Variants in NEDD4L observed in about 807,000 individuals in gnomAD.
The protein encoded by NEDD4L is NEDD4 like E3 ubiquitin protein ligase.
NEDD4L carries 54 observed loss-of-function variants against 148.9 expected under a neutral mutation model. The ratio of observed to expected loss-of-function variants is 0.36; its 90% CI spans 0.29 to 0.45. The LOEUF (loss-of-function observed/expected upper bound fraction) is 0.45. Ranked by LOEUF, NEDD4L falls within the 20% of genes least tolerant of loss-of-function variation. The pLI, the probability that NEDD4L is intolerant of heterozygous loss-of-function variation, is 1.00. For synonymous variants in NEDD4L, 433 were observed against 440.7 expected, an observed-to-expected ratio of 0.98 and a Z score of 0.22; for missense variants, 856 against 1,233.8, an observed-to-expected ratio of 0.69 and a Z score of 4.59.
At chr18:58,255,204 G>A (rs1057166165) in intron 5 of NEDD4L, among the ~76,000 whole-genome samples, 1 of 152,264 alleles carries the variant, frequency 6.6e-6, no homozygotes, top group Middle Eastern at 3.4e-3. Context: ...TAGCAGCGTG[G>A]CTTGCAGTGT....
At chr18:58,148,660 T>C (rs1599110717) in intron 1 of NEDD4L, among the ~76,000 whole-genome samples, 1 of 152,224 alleles carries the variant, frequency 6.6e-6, no homozygotes, top group South Asian at 2.1e-4. Context: ...GCCGGTCATA[T>C]TGGATTAGGG....
chr18:58,329,159 G>A (rs1250022242), intron 10 of NEDD4L, 32 bp downstream of exon 10: 1 of 1,604,712 alleles, frequency 6.2e-7, no homozygotes, highest in African/African-American at 1.3e-5. Flanking sequence ...GCAAAGCCCG[G>A]CAGCTCCTTC....
At chr18:58,334,551 T>G (rs1241802673) in intron 12 of NEDD4L, among the ~76,000 whole-genome samples, 1 of 152,208 alleles carries the variant, frequency 6.6e-6, no homozygotes, top group Non-Finnish European at 1.5e-5. Context: ...TTACATAAAT[T>G]TGTTTCTTCT....
chr18:58,149,432 T>C (rs2034438862), intron 1 of NEDD4L: 3 of 1,525,682 alleles, frequency 2.0e-6, no homozygotes, highest in East Asian at 5.0e-5. Context: ...AAAGTTACCC[T>C]TGGCTGCAGC....
intron 5 of NEDD4L, among the ~76,000 whole-genome samples, chr18:58,258,452 T>C (rs1375944552): frequency 2.6e-5 from 4 of 152,236 alleles, no homozygotes; most frequent in Non-Finnish European, 4.4e-5. Flanking sequence ...AAGGGATTCA[T>C]ACAATTAAAC....
Position 58,248,970 on chromosome 18 carries a change from T to C in NEDD4L, c.243+33T>C, listed in dbSNP as rs755343522. The C allele has an allele frequency of 3.2e-5, 36 of 1,122,688 alleles. No individual in the cohort carries two copies. In the African/African-American group the frequency reaches 4.7e-4, roughly 15 times the overall value. The allele number at this position is 1,122,688 out of a possible 1,614,324, so 69.5% of individuals were successfully genotyped here. A position where few individuals can be genotyped will look rare whatever the true frequency, so the allele number is the denominator to read the frequency against. The stretch of plus-strand genomic sequence containing the variant: ...TTTCATTGTTTGGTAATAATTGTTA[T>C]TGATACGTCTAGGTCGATTATCACA... On this transcript the variant is annotated intron_variant, in intron 4 of 30. Coordinates refer to ENST00000400345, the MANE Select transcript of NEDD4L (RefSeq NM_001144967.3).
At chr18:58,278,503 C>A (rs2052499975) in intron 5 of NEDD4L, among the ~76,000 whole-genome samples, 3 of 152,184 alleles carry the variant, frequency 2.0e-5, no homozygotes, top group Admixed American at 6.5e-5. Flanking sequence ...TTTTACAGAT[C>A]TTATCCTCTC....
intron 1 of NEDD4L, among the ~76,000 whole-genome samples, chr18:58,118,920 G>T (rs985753845): frequency 1.3e-5 from 2 of 152,078 alleles, no homozygotes; most frequent in African/African-American, 4.8e-5. Flanking sequence ...TCTCTTGAAG[G>T]TCCTAACCTC....
At chr18:58,136,355 TTGTC>T (rs1208224798) in intron 1 of NEDD4L, among the ~76,000 whole-genome samples, 1 of 152,222 alleles carries the variant, frequency 6.6e-6, no homozygotes, top group Non-Finnish European at 1.5e-5. Context: ...TAATTACAAA[TTGTC>T]TGCTTGCTTG....
intron 1 of NEDD4L, among the ~76,000 whole-genome samples, chr18:58,116,659 G>C (rs933760156): frequency 1.3e-5 from 2 of 152,236 alleles, no homozygotes; most frequent in African/African-American, 2.4e-5. Context: ...GGAGACCAGA[G>C]CATCACCTTT....
chr18:58,149,967 G>C (rs1051928787), intron 1 of NEDD4L, among the ~76,000 whole-genome samples: 10 of 152,214 alleles, frequency 6.6e-5, no homozygotes, highest in African/African-American at 2.4e-4. Flanking sequence ...TTATTTCTGT[G>C]TAATTGCCTG....
At chr18:58,164,875 T>C (rs773277239) in intron 1 of NEDD4L, among the ~76,000 whole-genome samples, 1 of 152,180 alleles carries the variant, frequency 6.6e-6, no homozygotes, top group Non-Finnish European at 1.5e-5. Flanking sequence ...AGACCAGACG[T>C]TTCTCCCCAT....
chr18:58,361,412 C>CA (rs2045458441), intron 19 of NEDD4L, among the ~76,000 whole-genome samples: 1 of 152,198 alleles, frequency 6.6e-6, no homozygotes, highest in African/African-American at 2.4e-5. Flanking sequence ...CTGTCATGAA[C>CA]ACTATCTCAT....
At chr18:58,312,923 G>T (rs1375392243) in intron 5 of NEDD4L, among the ~76,000 whole-genome samples, 1 of 152,162 alleles carries the variant, frequency 6.6e-6, no homozygotes, top group Admixed American at 6.5e-5. Context: ...CAAGTGATCT[G>T]CCCGCCTCAG....
Position 58,332,777 on chromosome 18 carries a change from A to G in NEDD4L, c.991-1041A>G, listed in dbSNP as rs1457437991. Among the ~76,000 whole-genome samples, 3 of 152,344 alleles carry G rather than the reference A, an allele frequency of 2.0e-5. No homozygotes were observed. The East Asian group carries it at 5.8e-4, about 29-fold the overall frequency. On this transcript the variant is annotated intron_variant, in intron 11 of 30. Transcript: ENST00000400345. ...TGAGTAAATACTAGAAACTGATACT[A>G]TGGATGAACTTGCCGATAAGGAGAC... is the stretch of plus-strand genomic sequence containing the variant.
At chr18:58,066,936 A>C (rs190538110) in intron 1 of NEDD4L, among the ~76,000 whole-genome samples, 2 of 152,310 alleles carry the variant, frequency 1.3e-5, no homozygotes, top group East Asian at 1.9e-4. Context: ...AACACTGGGG[A>C]TTGCAATTCC....
intron 22 of NEDD4L, among the ~76,000 whole-genome samples, chr18:58,368,150 G>A (rs1307384049): frequency 1.3e-5 from 2 of 152,112 alleles, no homozygotes; most frequent in African/African-American, 4.8e-5. Context: ...AATAACTTTA[G>A]TGAAAGCAAG....
At chr18:58,115,229 T>TTTTCTTTC (rs759228171) in intron 1 of NEDD4L, among the ~76,000 whole-genome samples, 3 of 149,008 alleles carry the variant, frequency 2.0e-5, no homozygotes, top group African/African-American at 7.5e-5. Context: ...TTCTTTTTTC[T>TTTTCTTTC]TTTCTTTCTT....
intron 2 of NEDD4L, among the ~76,000 whole-genome samples, chr18:58,175,068 G>T (rs1455126647): frequency 1.3e-5 from 2 of 152,182 alleles, no homozygotes; most frequent in Non-Finnish European, 2.9e-5. Context: ...GGTCCCTGTG[G>T]ACCAGACTGA....
Sources: gnomAD v4.1 joint callset for allele counts (sites outside exome capture counted in the v4.1 genomes callset) on GRCh38, gnomAD v4.1.1 for gene constraint, MANE v1.5 for transcripts, NCBI Gene and HGNC (gene_info 2026-07-23, HGNC 2026-07-21) for gene names.